GPC6: variants seen among roughly 807,000 people sequenced by gnomAD.
The protein encoded by GPC6 is glypican 6, also known as glypican-6.
Under a neutral mutation model 55.2 loss-of-function variants are expected in GPC6, and 14 were observed. The ratio of observed to expected loss-of-function variants is 0.25; its 90% CI spans 0.17 to 0.40. The LOEUF (loss-of-function observed/expected upper bound fraction) is 0.40. GPC6 is among the 10% of genes least tolerant of loss of function. GPC6 has a pLI of 1.00. For synonymous variants in GPC6, 278 were observed against 259.6 expected (o/e 1.07, Z -0.68); for missense variants, 641 against 708.5 (o/e 0.90, Z 1.08).
At chr13:93,718,989 T>G (rs1288423882) in intron 2 of GPC6, among the ~76,000 whole-genome samples, 1 of 152,044 alleles carries the variant, frequency 6.6e-6, no homozygotes, top group Admixed American at 6.6e-5. Context: ...ACTGTAACCT[T>G]GTATTATAGT....
chr13:93,884,724 A>G (rs777709696), intron 3 of GPC6, among the ~76,000 whole-genome samples: 1 of 152,122 alleles, frequency 6.6e-6, no homozygotes, highest in African/African-American at 2.4e-5. Context: ...ACGTCCCTCC[A>G]TACATACCCA....
At chr13:94,073,283 C>A (rs1884799017) in intron 4 of GPC6, among the ~76,000 whole-genome samples, 1 of 152,156 alleles carries the variant, frequency 6.6e-6, no homozygotes, top group Non-Finnish European at 1.5e-5. Flanking sequence ...GAAAGCAGTG[C>A]AGTCATGAAA....
At chr13:93,612,964 T>C (rs967910197) in intron 2 of GPC6, among the ~76,000 whole-genome samples, 2 of 152,172 alleles carry the variant, frequency 1.3e-5, no homozygotes, top group African/African-American at 4.8e-5. Context: ...TTTAAATGAC[T>C]GTTATGCTGG....
rs758791147 is a variant in GPC6, at chr13:93,640,850, T to TCCTTCCTA, written c.319+95432_319+95433insTCCTACCT. 8.9e-4 allele frequency among the ~76,000 whole-genome samples: 130 copies of TCCTTCCTA among 146,702 alleles called. 3 individuals are homozygous for TCCTTCCTA. The Middle Eastern group carries it at 0.024, about 27-fold the overall frequency. On this transcript the variant is annotated intron_variant, in intron 2 of 8. Coordinates refer to ENST00000377047, the MANE Select transcript of GPC6 (RefSeq NM_005708.5). ...TTCCTTTGTTCCTTCCTTCCTTCCTTCCTACCTTCTCCCCTCCCACCCTTC... is the reference window on the plus strand; with the variant it reads ...TTCCTTTGTTCCTTCCTTCCTTCCTTCCTTCCTACCTACCTTCTCCCCTCCCACCCTTC...
At chr13:94,097,472 G>T (rs1015277201) in intron 4 of GPC6, among the ~76,000 whole-genome samples, 2 of 133,810 alleles carry the variant, frequency 1.5e-5, no homozygotes. Context: ...GCGCCACTGC[G>T]CTCCAGCCTG....
At chr13:94,130,473 T>C (rs1277678190) in intron 4 of GPC6, among the ~76,000 whole-genome samples, 1 of 152,158 alleles carries the variant, frequency 6.6e-6, no homozygotes. Flanking sequence ...GTATTTAGTT[T>C]GCTTAGTAAA....
intron 1 of GPC6, among the ~76,000 whole-genome samples, chr13:93,291,965 G>T (rs148391601): frequency 6.6e-6 from 1 of 152,120 alleles, no homozygotes; most frequent in African/African-American, 2.4e-5. Context: ...AAGTTAAAAT[G>T]CTGTAAATAT....
At chr13:94,232,020 A>G (rs1310656403) in intron 4 of GPC6, among the ~76,000 whole-genome samples, 1 of 152,254 alleles carries the variant, frequency 6.6e-6, no homozygotes, top group Non-Finnish European at 1.5e-5. Context: ...GAGAGAGAAG[A>G]CAGGAGAAGT....
At chr13:93,473,296 C>A (rs1879190224) in intron 1 of GPC6, among the ~76,000 whole-genome samples, 1 of 152,218 alleles carries the variant, frequency 6.6e-6, no homozygotes, top group Non-Finnish European at 1.5e-5. Flanking sequence ...TTGTTTCCCC[C>A]ACCCACTCTT....
At chr13:94,183,147 ATCTGTT>A (rs1168582675) in intron 4 of GPC6, among the ~76,000 whole-genome samples, 1 of 152,220 alleles carries the variant, frequency 6.6e-6, no homozygotes, top group Non-Finnish European at 1.5e-5. Context: ...CATTACCTCT[ATCTGTT>A]CCAAAATGTT....
At chr13:93,441,451 A>G (rs1010444397) in intron 1 of GPC6, among the ~76,000 whole-genome samples, 1 of 152,084 alleles carries the variant, frequency 6.6e-6, no homozygotes, top group South Asian at 2.1e-4. Flanking sequence ...GCCAGTGATG[A>G]TGAGCATTTT....
At chr13:93,781,162 A>G (rs1885633965) in intron 2 of GPC6, among the ~76,000 whole-genome samples, 2 of 151,788 alleles carry the variant, frequency 1.3e-5, no homozygotes, top group Non-Finnish European at 2.9e-5. Flanking sequence ...TGTAGTCCCA[A>G]CTACTCGAGA....
At chr13:94,072,265 A>G (rs1403311563) in intron 4 of GPC6, among the ~76,000 whole-genome samples, 3 of 152,250 alleles carry the variant, frequency 2.0e-5, no homozygotes, top group African/African-American at 7.2e-5. Context: ...ATGGAAAACC[A>G]TAACACAAAT....
At chr13:93,578,999 A>T (rs1005903908) in intron 2 of GPC6, among the ~76,000 whole-genome samples, 70 of 152,262 alleles carry the variant, frequency 4.6e-4, no homozygotes, top group African/African-American at 1.4e-3. Context: ...AATAAGTCAA[A>T]CACAGAACAT....
In GPC6 at chr13:93,801,425, C is replaced by A. The variant is rs541916815; in HGVS notation, c.320-28729C>A. Among the ~76,000 whole-genome samples the A allele has an allele frequency of 2.0e-4, 30 of 152,246 alleles. 1 individual carries two copies. In the South Asian group the frequency reaches 6.0e-3, roughly 30 times the overall value. The stretch of plus-strand genomic sequence containing the variant: ...GAGTGGGTTTGATTCTTCCTCAGTG[C>A]TTTTCAATGTTGAGCATCTTTTCAT... On this transcript the variant is annotated intron_variant, in intron 2 of 8. Coordinates refer to ENST00000377047, the MANE Select transcript of GPC6 (RefSeq NM_005708.5).
chr13:94,402,625 T>C (rs762024494), intron 8 of GPC6, among the ~76,000 whole-genome samples: 14 of 152,196 alleles, frequency 9.2e-5, no homozygotes, highest in Non-Finnish European at 1.6e-4. Flanking sequence ...TTCATACTGC[T>C]ATAAAGAACT....
intron 3 of GPC6, among the ~76,000 whole-genome samples, chr13:93,864,138 T>C (rs889431355): frequency 6.6e-6 from 1 of 151,704 alleles, no homozygotes; most frequent in African/African-American, 2.4e-5. Flanking sequence ...CAATGGCAGA[T>C]AGTTAGGCAT....
At chr13:94,156,297 T>C (rs1370871715) in intron 4 of GPC6, among the ~76,000 whole-genome samples, 1 of 152,074 alleles carries the variant, frequency 6.6e-6, no homozygotes, top group Non-Finnish European at 1.5e-5. Context: ...TTTAAGCAGA[T>C]CCTTCAGAAA....
intron 1 of GPC6, among the ~76,000 whole-genome samples, chr13:93,310,003 A>G (rs1262800720): frequency 1.3e-5 from 2 of 152,202 alleles, no homozygotes; most frequent in African/African-American, 2.4e-5. Context: ...TGAATGAACT[A>G]GTTGTGAAAG....
Sources: allele counts gnomAD v4.1 joint callset (sites outside exome capture counted in the v4.1 genomes callset), GRCh38; gene constraint gnomAD v4.1.1; transcripts MANE v1.5; gene names NCBI Gene and HGNC (gene_info 2026-07-23, HGNC 2026-07-21).